The following TNR variants were observed in gnomAD, a reference collection of about 807,000 sequenced individuals.
TNR encodes tenascin R.
A neutral mutation model predicts 150.4 loss-of-function variants in TNR; 45 were observed. The observed-to-expected ratio is 0.30, with a 90% CI of 0.24 to 0.38. TNR has a LOEUF of 0.38. Ranked by LOEUF, TNR falls within the 10% of genes least tolerant of loss-of-function variation. The probability of loss-of-function intolerance (pLI) is 1.00; values close to 1 mark genes in which losing one functional copy is unlikely to be tolerated. For missense variants in TNR, 1,544 were observed against 1,759.1 expected (o/e 0.88, Z 2.19); for synonymous variants, 687 against 678.4 (o/e 1.01, Z -0.20).
chr1:175,583,800 T>A (rs1662461316), intron 1 of TNR, among the ~76,000 whole-genome samples: 1 of 152,148 alleles, frequency 6.6e-6, no homozygotes, highest in Non-Finnish European at 1.5e-5. Flanking sequence ...AAAGGACATC[T>A]CCAGTTGAGA....
At chr1:175,730,717 A>G (rs2101953202) in intron 1 of TNR, among the ~76,000 whole-genome samples, 1 of 152,340 alleles carries the variant, frequency 6.6e-6, no homozygotes, top group East Asian at 1.9e-4. Context: ...AATAACATAC[A>G]TATATACTAT....
intron 9 of TNR, 125 bp downstream of exon 9, chr1:175,379,427 A>G (rs1652564392): frequency 1.3e-6 from 1 of 770,238 alleles, no homozygotes; most frequent in East Asian, 2.7e-5. Context: ...CATATGTGCT[A>G]GGCACTTAAG....
At chr1:175,456,820 TA>T (rs1321038541) in intron 2 of TNR, among the ~76,000 whole-genome samples, 1 of 152,182 alleles carries the variant, frequency 6.6e-6, no homozygotes, top group Non-Finnish European at 1.5e-5. Flanking sequence ...TATTATATCT[TA>T]AAAAAGTTGA....
intron 2 of TNR, among the ~76,000 whole-genome samples, chr1:175,519,239 C>T (rs1332421470): frequency 6.6e-6 from 1 of 152,198 alleles, no homozygotes; most frequent in East Asian, 1.9e-4. Context: ...TAAGGCAATT[C>T]AAGACCATAC....
intron 8 of TNR, among the ~76,000 whole-genome samples, chr1:175,383,607 A>G (rs1435234470): frequency 6.6e-6 from 1 of 152,096 alleles, no homozygotes; most frequent in African/African-American, 2.4e-5. Context: ...GCAAATATCC[A>G]CTCACCATGC....
chr1:175,474,897 C>T (rs1184226482), intron 2 of TNR, among the ~76,000 whole-genome samples: 2 of 152,204 alleles, frequency 1.3e-5, no homozygotes, highest in East Asian at 1.9e-4. Context: ...TAACACATAC[C>T]AGCTAGGTGA....
In TNR at chr1:175,356,308, C is replaced by A. The variant is rs1204808346; in HGVS notation, c.3118+11G>T. 5.0e-6 allele frequency: 8 copies of A among 1,613,676 alleles called. No homozygotes were observed. Among genetic ancestry groups the A allele is most frequent in the Non-Finnish European group, 6.8e-6 (8 of 1,179,830 alleles). On this transcript the variant is annotated intron_variant, in intron 16 of 22. Transcript: ENST00000367674. ...CCAGGGATACGGGTATGTAGGTGAC[C>A]ATGTACTCACGAGTAGAAAAGTTGG...
intron 1 of TNR, among the ~76,000 whole-genome samples, chr1:175,565,539 A>G (rs533065050): frequency 7.9e-5 from 12 of 152,322 alleles, no homozygotes; most frequent in Middle Eastern, 3.4e-3. Flanking sequence ...ATGTCCTCCC[A>G]GGATCCCCTG....
chr1:175,391,266 G>A (rs1021058164), intron 7 of TNR, 22 bp downstream of exon 7: 7 of 1,611,920 alleles, frequency 4.3e-6, no homozygotes, highest in Non-Finnish European at 5.9e-6. Context: ...CAGCTCTAGG[G>A]AGAAGGGTTG....
intron 2 of TNR, among the ~76,000 whole-genome samples, chr1:175,437,006 T>C (rs1356495528): frequency 6.6e-6 from 1 of 152,192 alleles, no homozygotes; most frequent in Admixed American, 6.5e-5. Context: ...GGAATTGAAC[T>C]CAGCTCTGCA....
intron 21 of TNR, among the ~76,000 whole-genome samples, chr1:175,324,891 T>G (rs1048551525): frequency 6.6e-6 from 1 of 151,900 alleles, no homozygotes. Context: ...CCAGGCAGAC[T>G]TGGGCCATTC....
At chr1:175,572,022 T>C (rs1661893656) in intron 1 of TNR, among the ~76,000 whole-genome samples, 1 of 152,194 alleles carries the variant, frequency 6.6e-6, no homozygotes, top group Non-Finnish European at 1.5e-5. Flanking sequence ...ACAAACTTCA[T>C]GATGCCTGCA....
intron 1 of TNR, among the ~76,000 whole-genome samples, chr1:175,566,059 T>G (rs542054179): frequency 6.6e-6 from 1 of 152,324 alleles, no homozygotes; most frequent in South Asian, 2.1e-4. Flanking sequence ...ACAAAACTCC[T>G]TGTTGCTCTA....
intron 1 of TNR, among the ~76,000 whole-genome samples, chr1:175,612,933 C>T (rs1422266280): frequency 1.3e-5 from 2 of 152,208 alleles, no homozygotes; most frequent in Non-Finnish European, 2.9e-5. Flanking sequence ...CCCCCCTTTC[C>T]CTCAAGGTAT....
At chr1:175,666,526 C>G (rs985714797) in intron 1 of TNR, among the ~76,000 whole-genome samples, 12 of 152,196 alleles carry the variant, frequency 7.9e-5, no homozygotes, top group African/African-American at 2.9e-4. Flanking sequence ...GTGCTGAAGC[C>G]TCTAGAGAGC....
chr1:175,530,731 T>TC (rs1337642802), intron 1 of TNR, among the ~76,000 whole-genome samples: 3 of 152,000 alleles, frequency 2.0e-5, no homozygotes, highest in South Asian at 2.1e-4. Flanking sequence ...TCTTTTTTTT[T>TC]TCTCCATTGC....
chr1:175,449,644 A>G (rs1656218552), intron 2 of TNR, among the ~76,000 whole-genome samples: 1 of 149,448 alleles, frequency 6.7e-6, no homozygotes, highest in African/African-American at 2.5e-5. Flanking sequence ...AGATGAAGCT[A>G]CAAGGAAATA....
At chr1:175,399,513 C>T (rs1653597904) in intron 4 of TNR, among the ~76,000 whole-genome samples, 1 of 152,224 alleles carries the variant, frequency 6.6e-6, no homozygotes, top group Non-Finnish European at 1.5e-5. Flanking sequence ...TGGCGTCATT[C>T]CTCGTGGAAG....
In TNR at chr1:175,665,105, T is replaced by C. The variant is rs1490862399; in HGVS notation, c.-165+78121A>G. Among the ~76,000 whole-genome samples, 8 of 152,374 alleles carry C rather than the reference T, an allele frequency of 5.3e-5. No individual in the cohort carries two copies. The East Asian group carries it at 9.6e-4, about 18-fold the overall frequency. ...GGTCTCAACGTTAGCCAGTTGGTCT[T>C]CTAAATGCTGGACATTGATTTGAAA... On this transcript the variant is annotated intron_variant, in intron 1 of 22. Coordinates refer to ENST00000367674, the MANE Select transcript of TNR (RefSeq NM_003285.3).
Sources: gnomAD v4.1 joint callset for allele counts (sites outside exome capture counted in the v4.1 genomes callset) on GRCh38, gnomAD v4.1.1 for gene constraint, MANE v1.5 for transcripts, NCBI Gene and HGNC (gene_info 2026-07-23, HGNC 2026-07-21) for gene names.